The following ARHGEF6 variants were observed in gnomAD, a reference collection of about 807,000 sequenced individuals.
ARHGEF6 encodes the protein rho guanine nucleotide exchange factor 6.
In ARHGEF6, 9 loss-of-function variants were observed where a neutral mutation model predicts 70.3. The ratio of observed to expected loss-of-function variants is 0.13; its 90% confidence interval spans 0.08 to 0.22. The LOEUF is 0.22. Among genes scored for constraint, ARHGEF6 ranks in the 10% least tolerant of loss-of-function variants. The probability of loss-of-function intolerance (pLI) is 1.00; values close to 1 mark genes in which losing one functional copy is unlikely to be tolerated. For missense variants in ARHGEF6, 470 were observed against 563.0 expected (o/e 0.83, Z 1.67); for synonymous variants, 201 against 207.8 (o/e 0.97, Z 0.28).
At chrX:136,686,631 T>TATACAC (rs1556214697) in intron 11 of ARHGEF6, among the ~76,000 whole-genome samples, 24 of 76,275 alleles carry the variant, frequency 3.1e-4, no homozygotes, top group African/African-American at 1.5e-3. Flanking sequence ...TACACATATA[T>TATACAC]ATATATATAT....
At chrX:136,722,910 GATAA>G (rs769222849) in intron 6 of ARHGEF6, among the ~76,000 whole-genome samples, 3 of 112,306 alleles carry the variant, frequency 2.7e-5, no homozygotes, top group Non-Finnish European at 5.6e-5. Flanking sequence ...TCCATCAACT[GATAA>G]ATAGATAAAT....
chrX:136,771,685 G>T (rs1468005432), intron 2 of ARHGEF6, among the ~76,000 whole-genome samples: 1 of 112,143 alleles, frequency 8.9e-6, no homozygotes, highest in Non-Finnish European at 1.9e-5. Flanking sequence ...TCTTAGATAT[G>T]ACACCAAAAG....
chrX:136,709,610 C>T (rs1268299930), intron 7 of ARHGEF6, among the ~76,000 whole-genome samples: 1 of 112,914 alleles, frequency 8.9e-6, no homozygotes, highest in African/African-American at 3.2e-5. Context: ...AACATTCTAG[C>T]TGCAGAGTCC....
At chrX:136,678,032 T>C in intron 16 of ARHGEF6, 76 bp from the exon 17 acceptor site, 1 of 900,038 alleles carries the variant, frequency 1.1e-6, no homozygotes, top group Non-Finnish European at 1.6e-6. Flanking sequence ...CACTTATCAA[T>C]AATTCTAAAA....
chrX:136,729,231 G>A (rs1603347181), intron 6 of ARHGEF6, among the ~76,000 whole-genome samples: 1 of 107,162 alleles, frequency 9.3e-6, no homozygotes, highest in East Asian at 2.9e-4. Context: ...GCTTTGGGAA[G>A]CCAAAGCGGG....
At chrX:136,739,960 T>C (rs376032629) in intron 5 of ARHGEF6, among the ~76,000 whole-genome samples, 1 of 111,468 alleles carries the variant, frequency 9.0e-6, no homozygotes, top group Non-Finnish European at 1.9e-5. Context: ...GTGATGGCCT[T>C]GGCCTTTTCT....
rs1203826264 is a variant in ARHGEF6, at chrX:136,738,479, C to T, written c.661+5106G>A. Among the ~76,000 whole-genome samples, 3 of 112,418 alleles carry T rather than the reference C, an allele frequency of 2.7e-5. No homozygotes were observed. In the East Asian group the frequency reaches 8.3e-4, roughly 31 times the overall value. ...AGGCATATGAAGACAAGACAGTATA[C>T]AAAGATGAACAAGTCCCCTTGACTT... On this transcript the variant is annotated intron_variant, in intron 5 of 21. Transcript: ENST00000250617.
In ARHGEF6 at chrX:136,667,045, A is replaced by T. The variant is rs2076167884; in HGVS notation, c.*984T>A. ...AATGCAGATTGTTTTGAAGGATAAA[A>T]CATCACAGTTTGAATATGCAACGTA... On this transcript the variant is annotated 3_prime_UTR_variant, in exon 22 of 22. Coordinates refer to ENST00000250617, the MANE Select transcript of ARHGEF6 (RefSeq NM_004840.3). 8.9e-6 allele frequency: 1 copy of T among 112,797 alleles called. No homozygotes were observed. Among genetic ancestry groups the T allele is most frequent in the South Asian group, 3.6e-4 (1 of 2,769 alleles). 9.3% of individuals were successfully genotyped at this position (112,797 alleles called of 1,213,427 possible). A position where few individuals can be genotyped will look rare whatever the true frequency, so the allele number is the denominator to read the frequency against.
intron 6 of ARHGEF6, among the ~76,000 whole-genome samples, chrX:136,731,669 G>A (rs2076936621): frequency 8.9e-6 from 1 of 112,288 alleles, no homozygotes; most frequent in South Asian, 3.7e-4. Context: ...TTTAAAGGAT[G>A]ATAATATTCC....
chrX:136,667,860 G>A lies in ARHGEF6; in HGVS notation c.*169C>T, dbSNP rs1200399642. ...CAAATGCCCAAGCGCGCACGTGCACGCACACACATATGCACACAGCGGGGA... is the reference window on the plus strand; with the variant it reads ...CAAATGCCCAAGCGCGCACGTGCACACACACACATATGCACACAGCGGGGA... On this transcript the variant is annotated 3_prime_UTR_variant, in exon 22 of 22. Transcript: ENST00000250617. The A allele has an allele frequency of 4.7e-6, 3 of 643,912 alleles. No homozygotes were observed. Among genetic ancestry groups the A allele is most frequent in the East Asian group, 3.5e-5 (1 of 28,205 alleles). The allele number at this position is 643,912 out of a possible 1,213,427, so 53.1% of individuals were successfully genotyped here.
intron 14 of ARHGEF6, 98 bp downstream of exon 14, chrX:136,681,792 G>T: frequency 1.3e-6 from 1 of 793,245 alleles, no homozygotes; most frequent in Non-Finnish European, 1.9e-6. Flanking sequence ...ATTTGCTCGT[G>T]GCCTATGTAA....
intron 16 of ARHGEF6, among the ~76,000 whole-genome samples, chrX:136,678,982 C>A (rs369720116): frequency 8.9e-6 from 1 of 111,858 alleles, no homozygotes; most frequent in African/African-American, 3.2e-5. Context: ...AATCCCCACA[C>A]TACCCAAATA....
rs781084470 is a variant in ARHGEF6 at position 136,743,675 on chromosome X, G to T, written c.571C>A (p.Arg191=). The change falls in exon 5 of 22, where the codon CGA becomes AGA. Residue 191 remains arginine, a synonymous_variant. Transcript: ENST00000250617. ...TCCCACCAGCCTCCTTCTTCAACTCGTGTGACGTAAATGATGTCCCCCTTA... is the reference window on the plus strand; with the variant it reads ...TCCCACCAGCCTCCTTCTTCAACTCTTGTGACGTAAATGATGTCCCCCTTA... The part of the protein sequence containing the change: ...VCKGDIIYVT[R]VEEGGWWEGT... 8.3e-6 allele frequency: 10 copies of T among 1,211,196 alleles called. No homozygotes were observed. Among genetic ancestry groups the T allele is most frequent in the Non-Finnish European group, 1.0e-5 (9 of 895,055 alleles).
chrX:136,757,317 G>A (rs950485653), intron 2 of ARHGEF6, among the ~76,000 whole-genome samples: 1 of 112,547 alleles, frequency 8.9e-6, no homozygotes, highest in South Asian at 3.6e-4. Context: ...TTGAGATCGC[G>A]CCACTAGCCT....
intron 2 of ARHGEF6, among the ~76,000 whole-genome samples, chrX:136,749,395 T>C (rs1213839299): frequency 9.0e-6 from 1 of 111,361 alleles, no homozygotes; most frequent in Non-Finnish European, 1.9e-5. Context: ...TGTGCATGTG[T>C]GTGTGCATGT....
chrX:136,747,432 T>C, intron 3 of ARHGEF6, 76 bp downstream of exon 3: 1 of 956,800 alleles, frequency 1.0e-6, no homozygotes, highest in Non-Finnish European at 1.5e-6. Flanking sequence ...CTGGCCAGAG[T>C]TGGCTCCTAG....
At chrX:136,765,363 AAGT>A (rs2077303566) in intron 2 of ARHGEF6, among the ~76,000 whole-genome samples, 1 of 112,377 alleles carries the variant, frequency 8.9e-6, no homozygotes, top group Non-Finnish European at 1.9e-5. Flanking sequence ...GTAAAGATTG[AAGT>A]AATGTTATAC....
Position 136,746,479 on chromosome X carries a change from TCTAAC to T in ARHGEF6, c.334+1024_334+1028del, listed in dbSNP as rs2077096435. 2.7e-5 allele frequency among the ~76,000 whole-genome samples: 3 copies of T among 112,326 alleles called. No individual in the cohort carries two copies. The South Asian group carries it at 1.1e-3, about 41-fold the overall frequency. On this transcript the variant is annotated intron_variant, in intron 3 of 21. Coordinates refer to ENST00000250617, the MANE Select transcript of ARHGEF6 (RefSeq NM_004840.3). ...AATTACTCGATAGCTTCCTAGATGC[TCTAAC>T]CTATTTGGCACTTGATTATATTGTC...
At chrX:136,698,072 A>C (rs2076530488) in intron 9 of ARHGEF6, among the ~76,000 whole-genome samples, 1 of 112,305 alleles carries the variant, frequency 8.9e-6, no homozygotes, top group Non-Finnish European at 1.9e-5. Context: ...ACAAAAAGAA[A>C]GAAGAAGAAC....
Sources: allele counts gnomAD v4.1 joint callset (sites outside exome capture counted in the v4.1 genomes callset), GRCh38; gene constraint gnomAD v4.1.1; transcripts MANE v1.5; gene names NCBI Gene and HGNC (gene_info 2026-07-23, HGNC 2026-07-21).